The following N4BP2 variants were observed in gnomAD, a reference collection of about 807,000 sequenced individuals.
The protein encoded by N4BP2 is NEDD4 binding protein 2, also known as NEDD4-binding protein 2.
A neutral mutation model predicts 152.8 loss-of-function variants in N4BP2; 91 were observed. That is an observed-to-expected ratio of 0.60 (90% CI 0.50 to 0.71). The LOEUF (loss-of-function observed/expected upper bound fraction) is 0.71, where lower values mean the gene tolerates loss of function less well. N4BP2 is among the 30% of genes least tolerant of loss of function. The probability of loss-of-function intolerance (pLI) is 0.00; values close to 1 mark genes in which losing one functional copy is unlikely to be tolerated. For missense variants in N4BP2, 1,923 were observed against 2,059.1 expected (o/e 0.93, Z 1.28); for synonymous variants, 646 against 705.3 (o/e 0.92, Z 1.33).
At chr4:40,111,972 G>T in intron 5 of N4BP2, 112 bp from the exon 6 acceptor site, 1 of 617,304 alleles carries the variant, frequency 1.6e-6, no homozygotes, top group Non-Finnish European at 2.8e-6. Flanking sequence ...GTTGAGCAGT[G>T]AGTAAAATTA....
intron 1 of N4BP2, among the ~76,000 whole-genome samples, chr4:40,057,864 C>T (rs1733340309): frequency 6.6e-6 from 1 of 152,120 alleles, no homozygotes; most frequent in Non-Finnish European, 1.5e-5. Context: ...TTCCTTTCGG[C>T]GGCAGTCTTT....
rs1379615078 is a variant in N4BP2 at position 40,122,549 on chromosome 4, AT to A, written c.4198+244del. On this transcript the variant is annotated intron_variant, in intron 9 of 17. Coordinates refer to ENST00000261435, the MANE Select transcript of N4BP2 (RefSeq NM_018177.6). ...CCACCGTACCTGGCTAGAGAGTTCT[AT>A]TTTGATTGTAAAATTATATTCTATG... is the stretch of plus-strand genomic sequence containing the variant. Among the ~76,000 whole-genome samples the A allele has an allele frequency of 3.9e-5, 6 of 152,246 alleles. No homozygotes were observed. In the East Asian group the frequency reaches 1.2e-3, roughly 29 times the overall value.
intron 8 of N4BP2, among the ~76,000 whole-genome samples, chr4:40,119,286 G>T (rs576999856): frequency 1.3e-5 from 2 of 152,048 alleles, no homozygotes. Context: ...CGAGAGTTGG[G>T]ACTTCGAGCA....
chr4:40,147,748 C>G (rs13102281), intron 16 of N4BP2, among the ~76,000 whole-genome samples: 2 of 151,152 alleles, frequency 1.3e-5, no homozygotes, highest in African/African-American at 4.9e-5. Context: ...GGCTGCCGGG[C>G]GGAGGGGCTT....
chr4:40,141,281 C>G (rs1481342437), intron 14 of N4BP2, among the ~76,000 whole-genome samples: 1 of 151,754 alleles, frequency 6.6e-6, no homozygotes, highest in Non-Finnish European at 1.5e-5. Context: ...CCCCCACCTC[C>G]TTCCTGGACG....
intron 12 of N4BP2, among the ~76,000 whole-genome samples, chr4:40,127,998 T>A (rs554674815): frequency 1.3e-5 from 2 of 152,236 alleles, no homozygotes; most frequent in African/African-American, 2.4e-5. Flanking sequence ...TAGAAACTTA[T>A]GAGTTTGAAT....
chr4:40,072,934 C>T (rs1712357417), intron 1 of N4BP2, among the ~76,000 whole-genome samples: 1 of 151,796 alleles, frequency 6.6e-6, no homozygotes, highest in East Asian at 1.9e-4. Context: ...GTTGGCCAGG[C>T]TGGTCTCAAA....
chr4:40,080,232 A>C (rs1461326867), intron 2 of N4BP2, among the ~76,000 whole-genome samples: 2 of 152,030 alleles, frequency 1.3e-5, no homozygotes, highest in Non-Finnish European at 2.9e-5. Flanking sequence ...AAACCTGAGC[A>C]TCACTTACAG....
At position 40,136,535 on chromosome 4, in the gene N4BP2, C is replaced by T. The variant is rs185556036; in HGVS notation, c.4647-409C>T. 3.3e-5 allele frequency among the ~76,000 whole-genome samples: 5 copies of T among 152,112 alleles called. No individual in the cohort carries two copies. The East Asian group carries it at 7.7e-4, about 24-fold the overall frequency. Reference sequence around the variant, plus strand: ...CCGAGTAGCTGGGATTACAGGCGCGCGTCACCACACCCAGCTAATTTTTGG... The same window carrying T: ...CCGAGTAGCTGGGATTACAGGCGCGTGTCACCACACCCAGCTAATTTTTGG... On this transcript the variant is annotated intron_variant, in intron 13 of 17. Transcript: ENST00000261435.
At chr4:40,119,088 G>A (rs1717612310) in intron 8 of N4BP2, among the ~76,000 whole-genome samples, 1 of 152,178 alleles carries the variant, frequency 6.6e-6, no homozygotes, top group Non-Finnish European at 1.5e-5. Flanking sequence ...CCAAAGCTTT[G>A]TCATCTCTGA....
the N4BP2 span, among the ~76,000 whole-genome samples, chr4:40,175,732 C>G: frequency 2.0e-5 from 3 of 146,384 alleles, no homozygotes; most frequent in Middle Eastern, 0.011. Flanking sequence ...CGCTCTCAAA[C>G]TCAGGTAACG....
intron 4 of N4BP2, 115 bp downstream of exon 4, chr4:40,103,333 G>T (rs919925329): frequency 1.4e-5 from 12 of 878,844 alleles, no homozygotes; most frequent in Non-Finnish European, 2.0e-5. Context: ...CCCCTAAAAT[G>T]TTTTCTTTTT....
the N4BP2 span, among the ~76,000 whole-genome samples, chr4:40,170,020 A>G: frequency 6.8e-6 from 1 of 147,022 alleles, no homozygotes; most frequent in Non-Finnish European, 1.5e-5. Flanking sequence ...GGAAATTAAG[A>G]AAAGACTCAT....
At chr4:40,171,829 G>A in the N4BP2 span, among the ~76,000 whole-genome samples, 1 of 152,200 alleles carries the variant, frequency 6.6e-6, no homozygotes, top group Non-Finnish European at 1.5e-5. Context: ...GAGTCCCAGA[G>A]CTGATGGATG....
chr4:40,151,900 T>G (rs1721184122), intron 16 of N4BP2, among the ~76,000 whole-genome samples: 1 of 152,202 alleles, frequency 6.6e-6, no homozygotes, highest in South Asian at 2.1e-4. Flanking sequence ...CTATTAGGAG[T>G]ATTAGGACAA....
chr4:40,103,234 G>A lies in N4BP2; in HGVS notation c.1373+16G>A. On this transcript the variant is annotated intron_variant, in intron 4 of 17. Transcript: ENST00000261435. ...TTTTGGCAAGGTATGAGGTTTGATT[G>A]GGTTTTTAAAAAATAGTATAATGTC... is the stretch of plus-strand genomic sequence containing the variant. 6.4e-7 allele frequency: 1 copy of A among 1,569,108 alleles called. No individual in the cohort carries two copies. The highest frequency in any genetic ancestry group is 8.6e-7 in the Non-Finnish European group (1 of 1,161,996).
the N4BP2 span, among the ~76,000 whole-genome samples, chr4:40,183,437 G>A: frequency 3.3e-5 from 5 of 151,236 alleles, no homozygotes. Flanking sequence ...CCGGGTTTAC[G>A]CCATTCTCCT....
intron 12 of N4BP2, 130 bp downstream of exon 12, chr4:40,126,460 A>G (rs745311381): frequency 2.0e-6 from 1 of 502,650 alleles, no homozygotes; most frequent in Non-Finnish European, 3.4e-6. Context: ...TAATGTTAAA[A>G]TTGAAAAATA....
intron 13 of N4BP2, among the ~76,000 whole-genome samples, chr4:40,132,385 TA>T (rs1718982151): frequency 6.6e-6 from 1 of 152,124 alleles, no homozygotes; most frequent in East Asian, 1.9e-4. Context: ...AATTTTTCTT[TA>T]TTATTTTAAA....
Sources: gnomAD v4.1 joint callset for allele counts (sites outside exome capture counted in the v4.1 genomes callset) on GRCh38, gnomAD v4.1.1 for gene constraint, MANE v1.5 for transcripts, NCBI Gene and HGNC (gene_info 2026-07-23, HGNC 2026-07-21) for gene names.